VRK3: variants seen among roughly 807,000 people sequenced by gnomAD.
VRK3 encodes the protein serine/threonine-protein kinase VRK3.
Under a neutral mutation model 60.4 loss-of-function variants are expected in VRK3, and 50 were observed. That is an observed-to-expected ratio of 0.83 (90% confidence interval 0.66 to 1.05). The LOEUF (loss-of-function observed/expected upper bound fraction) is 1.05. Ranked by LOEUF, VRK3 falls within the 50% of genes least tolerant of loss-of-function variation. The pLI, the probability that VRK3 is intolerant of heterozygous loss-of-function variation, is 0.00. For synonymous variants in VRK3, 246 were observed against 227.8 expected, an observed-to-expected ratio of 1.08 and a Z score of -0.72; for missense variants, 549 against 585.3, an observed-to-expected ratio of 0.94 and a Z score of 0.64.
chr19:50,010,507 T>G (rs1418896835), intron 3 of VRK3, among the ~76,000 whole-genome samples: 1 of 152,238 alleles, frequency 6.6e-6, no homozygotes, highest in Non-Finnish European at 1.5e-5. Flanking sequence ...CAGGGAGTGG[T>G]ACCCACATCT....
chr19:50,005,677 A>AT (rs1256685802), intron 5 of VRK3, among the ~76,000 whole-genome samples: 1 of 149,906 alleles, frequency 6.7e-6, no homozygotes, highest in Admixed American at 6.6e-5. Flanking sequence ...ATACAGCAGA[A>AT]TATCACGCAG....
At chr19:50,010,059 T>TATATAC (rs143020431) in intron 3 of VRK3, among the ~76,000 whole-genome samples, 1 of 150,996 alleles carries the variant, frequency 6.6e-6, no homozygotes, top group African/African-American at 2.4e-5. Context: ...TATATATATA[T>TATATAC]ACACACACAC....
chr19:49,981,904 G>A, intron 12 of VRK3: 1 of 966,932 alleles, frequency 1.0e-6, no homozygotes, highest in South Asian at 2.0e-5. Context: ...TTCAAAGCAA[G>A]CAGGCTCGAC....
chr19:49,980,232 A>G (rs2076399802), intron 13 of VRK3, among the ~76,000 whole-genome samples: 1 of 152,112 alleles, frequency 6.6e-6, no homozygotes, highest in Non-Finnish European at 1.5e-5. Flanking sequence ...CGACACCCCA[A>G]CAAGACAGTG....
chr19:50,014,649 G>C (rs1200606695), intron 3 of VRK3, among the ~76,000 whole-genome samples: 1 of 152,206 alleles, frequency 6.6e-6, no homozygotes, highest in Non-Finnish European at 1.5e-5. Context: ...TAAGGGAAGA[G>C]GCGTCCAGGA....
At chr19:50,004,138 G>A (rs776431305) in intron 5 of VRK3, among the ~76,000 whole-genome samples, 72 of 152,278 alleles carry the variant, frequency 4.7e-4, no homozygotes, top group Admixed American at 3.0e-3. Flanking sequence ...AGTCATATAA[G>A]GGAAAACCAA....
At position 49,988,357 on chromosome 19, in the gene VRK3, G is replaced by T; in HGVS notation, c.1217+15C>A. 1 of 1,605,524 alleles carries T rather than the reference G, an allele frequency of 6.2e-7. No homozygotes were observed. The highest frequency in any genetic ancestry group is 1.1e-5 in the South Asian group (1 of 90,726). On this transcript the variant is annotated intron_variant, in intron 12 of 14. Coordinates refer to ENST00000316763, the MANE Select transcript of VRK3 (RefSeq NM_016440.4). ...GCTGACCACCTGCAGGGGTTCTGCT[G>T]ACCCCTAGACTCACTTCTGTTTTTG...
chr19:49,988,098 G>A (rs2076547541), intron 12 of VRK3: 3 of 293,204 alleles, frequency 1.0e-5, no homozygotes, highest in South Asian at 4.1e-5. Context: ...GTAGCTAGTA[G>A]GAGACCATCT....
At chr19:49,984,296 G>C (rs1600655389) in intron 12 of VRK3, among the ~76,000 whole-genome samples, 1 of 152,202 alleles carries the variant, frequency 6.6e-6, no homozygotes, top group African/African-American at 2.4e-5. Flanking sequence ...GAATGCGTAA[G>C]TGGAGAGGGT....
chr19:50,010,022 C>T (rs1210266439), intron 3 of VRK3, among the ~76,000 whole-genome samples: 1 of 151,874 alleles, frequency 6.6e-6, no homozygotes, highest in Non-Finnish European at 1.5e-5. Context: ...AAACCACCCA[C>T]CGAGTTTCTG....
intron 3 of VRK3, among the ~76,000 whole-genome samples, chr19:50,012,479 C>A (rs78132219): frequency 6.6e-6 from 1 of 152,138 alleles, no homozygotes; most frequent in Non-Finnish European, 1.5e-5. Context: ...TTACTATAAT[C>A]CTCGGGACAA....
intron 2 of VRK3, among the ~76,000 whole-genome samples, chr19:50,017,729 G>T (rs1318865614): frequency 6.6e-6 from 1 of 152,062 alleles, no homozygotes; most frequent in Non-Finnish European, 1.5e-5. Context: ...GGAATGCAGT[G>T]GCATAATCAT....
At chr19:49,994,994 G>C in intron 8 of VRK3, 75 bp from the exon 9 acceptor site, 1 of 1,427,210 alleles carries the variant, frequency 7.0e-7, no homozygotes, top group Non-Finnish European at 9.7e-7. Flanking sequence ...AGGATGGACT[G>C]TTGCGTGGGC....
intron 5 of VRK3, chr19:50,001,161 G>A: frequency 3.4e-6 from 1 of 298,436 alleles, no homozygotes; most frequent in Non-Finnish European, 6.3e-6. Context: ...GGGGCTCGCT[G>A]AGCCTAAACT....
chr19:49,990,292 C>G (rs1600668477), intron 10 of VRK3, among the ~76,000 whole-genome samples: 2 of 152,328 alleles, frequency 1.3e-5, no homozygotes, highest in South Asian at 4.1e-4. Flanking sequence ...ATAGTCCCCA[C>G]CTCAAAGGGT....
At position 50,009,228 on chromosome 19, in the gene VRK3, A is replaced by T; in HGVS notation, c.289+8T>A. 11 of 1,613,342 alleles carry T rather than the reference A, an allele frequency of 6.8e-6. No homozygotes were observed. Among genetic ancestry groups the T allele is most frequent in the Non-Finnish European group, 9.3e-6 (11 of 1,179,638 alleles). On this transcript the variant is annotated splice_region_variant and intron_variant, in intron 4 of 14. Coordinates refer to ENST00000316763, the MANE Select transcript of VRK3 (RefSeq NM_016440.4). ...TAAGAGTCAGGCCAGATAGACCTTA[A>T]CTCTTACCTTTGGATCTCTCAGAGG...
chr19:49,979,339 T>C, intron 13 of VRK3, 97 bp from the exon 14 acceptor site: 2 of 1,518,186 alleles, frequency 1.3e-6, no homozygotes, highest in South Asian at 2.3e-5. Context: ...GGTGGGGGAC[T>C]GAGGGGCATG....
intron 3 of VRK3, chr19:50,015,598 T>C: frequency 5.8e-6 from 1 of 172,136 alleles, no homozygotes; most frequent in Non-Finnish European, 1.3e-5. Flanking sequence ...CATGAGCCAC[T>C]GTGCCCAGCC....
chr19:49,995,816 T>C (rs1324476283), intron 7 of VRK3, among the ~76,000 whole-genome samples: 1 of 152,232 alleles, frequency 6.6e-6, no homozygotes, highest in Non-Finnish European at 1.5e-5. Flanking sequence ...TGGCGCGATC[T>C]TGGCTCACTG....
Sources: allele counts gnomAD v4.1 joint callset (sites outside exome capture counted in the v4.1 genomes callset), GRCh38; gene constraint gnomAD v4.1.1; transcripts MANE v1.5; gene names NCBI Gene and HGNC (gene_info 2026-07-23, HGNC 2026-07-21).